The following RNF144B variants were observed in gnomAD, a reference collection of about 807,000 sequenced individuals.
The protein encoded by RNF144B is ring finger protein 144B.
Under a neutral mutation model 40.2 loss-of-function variants are expected in RNF144B, and 25 were observed. The ratio of observed to expected loss-of-function variants is 0.62; its 90% CI spans 0.45 to 0.87. The LOEUF (loss-of-function observed/expected upper bound fraction) is 0.87. Ranked by LOEUF, RNF144B falls within the 40% of genes least tolerant of loss-of-function variation. The pLI is 0.00. For missense variants in RNF144B, 365 were observed against 373.7 expected, an observed-to-expected ratio of 0.98 and a Z score of 0.19; for synonymous variants, 145 against 136.3, an observed-to-expected ratio of 1.06 and a Z score of -0.44.
rs960043350 is a variant in RNF144B, at chr6:18,460,906, T to C, written c.681+1155T>C. Among the ~76,000 whole-genome samples the C allele has an allele frequency of 6.6e-6, 1 of 152,218 alleles. No individual in the cohort carries two copies. The highest frequency in any genetic ancestry group is 2.4e-5 in the African/African-American group (1 of 41,460). On this transcript the variant is annotated intron_variant, in intron 6 of 7. Transcript: ENST00000259939. The surrounding 1 kb of genome is among the most constrained non-coding windows in gnomAD (Gnocchi z 4.4). ...ATAGATAACACTCTGTTTTGGCAATTTGGACCTCTAAAATATGTCCATATC... is the reference window on the plus strand; with the variant it reads ...ATAGATAACACTCTGTTTTGGCAATCTGGACCTCTAAAATATGTCCATATC...
chr6:18,396,601 A>G, intron 1 of RNF144B: 3 of 985,188 alleles, frequency 3.0e-6, no homozygotes, highest in Non-Finnish European at 3.6e-6. Flanking sequence ...CCTACTCAGG[A>G]AGCATTTACT....
At position 18,450,830 on chromosome 6, in the gene RNF144B, A is replaced by G. The variant is rs970431302; in HGVS notation, c.332-6325A>G. On this transcript the variant is annotated intron_variant, in intron 4 of 7. Coordinates refer to ENST00000259939, the MANE Select transcript of RNF144B (RefSeq NM_182757.4). The surrounding 1 kb of genome is among the most constrained non-coding windows in gnomAD (Gnocchi z 4.7). ...TCTACAGCTTCTAAATGCTGCCTGC[A>G]AAGTTGCTACCTCAGGGATTTTTTA... Among the ~76,000 whole-genome samples, 1 of 152,230 alleles carries G rather than the reference A, an allele frequency of 6.6e-6. No individual in the cohort carries two copies. The highest frequency in any genetic ancestry group is 1.5e-5 in the Non-Finnish European group (1 of 68,030).
In RNF144B at chr6:18,456,027, A is replaced by T. The variant is rs1306712536; in HGVS notation, c.332-1128A>T. On this transcript the variant is annotated intron_variant, in intron 4 of 7. Coordinates refer to ENST00000259939, the MANE Select transcript of RNF144B (RefSeq NM_182757.4). This position sits in a 1 kb window ranked among gnomAD's most constrained non-coding sequence, Gnocchi z 4.7. ...AACCTCTGCCTCCCGGGTTCACGCC[A>T]TTCTCCTGCCTCAGCCTGCCAAGTA... Among the ~76,000 whole-genome samples, 2 of 151,930 alleles carry T rather than the reference A, an allele frequency of 1.3e-5. No homozygotes were observed. The highest frequency in any genetic ancestry group is 2.9e-5 in the Non-Finnish European group (2 of 67,998).
chr6:18,403,152 T>G (rs1794825525), intron 2 of RNF144B, among the ~76,000 whole-genome samples: 1 of 152,260 alleles, frequency 6.6e-6, no homozygotes, highest in South Asian at 2.1e-4. Context: ...ATGAAAATTC[T>G]AACTTTCCTT....
chr6:18,462,328 C>T (rs940701048), intron 6 of RNF144B, among the ~76,000 whole-genome samples: 8 of 152,180 alleles, frequency 5.3e-5, no homozygotes, highest in Admixed American at 4.6e-4. Context: ...TTGTTTTTAG[C>T]ATACCTAGAT....
rs992907814 is a variant in RNF144B, at chr6:18,405,906, T to C, written c.165+6207T>C. ...ACCATACTATTAAGGCCCTAATGTC[T>C]TTGTCATAGCATCATAGTCCTAGAA... is the stretch of plus-strand genomic sequence containing the variant. On this transcript the variant is annotated intron_variant, in intron 2 of 7. Coordinates refer to ENST00000259939, the MANE Select transcript of RNF144B (RefSeq NM_182757.4). This position sits in a 1 kb window ranked among gnomAD's most constrained non-coding sequence, Gnocchi z 4.5. Among the ~76,000 whole-genome samples the C allele has an allele frequency of 6.6e-6, 1 of 152,206 alleles. No individual in the cohort carries two copies. The highest frequency in any genetic ancestry group is 1.5e-5 in the Non-Finnish European group (1 of 68,040).
At chr6:18,439,578 G>T (rs1758909207) in intron 3 of RNF144B, 106 bp from the exon 4 acceptor site, 1 of 771,270 alleles carries the variant, frequency 1.3e-6, no homozygotes, top group East Asian at 2.5e-5. Flanking sequence ...CAAACAATTG[G>T]TGTAGAGAAA....
chr6:18,458,558 A>C lies in RNF144B; in HGVS notation c.537-1049A>C, dbSNP rs754966017. Among the ~76,000 whole-genome samples the C allele has an allele frequency of 4.2e-4, 64 of 152,186 alleles. No individual in the cohort carries two copies. The highest frequency in any genetic ancestry group is 1.3e-4 in the Non-Finnish European group (9 of 68,032). On this transcript the variant is annotated intron_variant, in intron 5 of 7. Coordinates refer to ENST00000259939, the MANE Select transcript of RNF144B (RefSeq NM_182757.4). The surrounding 1 kb of genome is among the most constrained non-coding windows in gnomAD (Gnocchi z 4.8). ...TTGCCTACATTTTCGTGGCCATAGCAGGAAGCTCCGTGGGTATCACAGGGC... is the reference window on the plus strand; with the variant it reads ...TTGCCTACATTTTCGTGGCCATAGCCGGAAGCTCCGTGGGTATCACAGGGC...
intron 3 of RNF144B, among the ~76,000 whole-genome samples, chr6:18,429,970 A>T (rs1035088288): frequency 6.6e-6 from 1 of 152,230 alleles, no homozygotes. Flanking sequence ...GTGAAATGCA[A>T]GAAGTGGGGC....
chr6:18,450,147 A>G lies in RNF144B; in HGVS notation c.332-7008A>G, dbSNP rs1759179992. ...TCTTTTTGTGCTGTGCAAATTCTGCACTTTCCCAGACTTGTCTGTGCTGGA... is the reference window on the plus strand; with the variant it reads ...TCTTTTTGTGCTGTGCAAATTCTGCGCTTTCCCAGACTTGTCTGTGCTGGA... On this transcript the variant is annotated intron_variant, in intron 4 of 7. Transcript: ENST00000259939. This position sits in a 1 kb window ranked among gnomAD's most constrained non-coding sequence, Gnocchi z 4.7. 6.6e-6 allele frequency among the ~76,000 whole-genome samples: 1 copy of G among 152,146 alleles called. No individual in the cohort carries two copies. Among genetic ancestry groups the G allele is most frequent in the Admixed American group, 6.6e-5 (1 of 15,266 alleles).
At chr6:18,426,454 A>G (rs971763850) in intron 2 of RNF144B, among the ~76,000 whole-genome samples, 8 of 152,174 alleles carry the variant, frequency 5.3e-5, no homozygotes, top group African/African-American at 1.9e-4. Context: ...GTGCAGTTGC[A>G]TAGAGAGGAA....
In RNF144B at chr6:18,463,314, T is replaced by C. The variant is rs1582452289; in HGVS notation, c.705T>C (p.Tyr235=). ...AGAATGACATTTTCCTCAGACATTA[T>C]GACAAAGGGCCATGCAGGAATAAAC... ...NLDNDIFLRH[Y]DKGPCRNKLG... The change falls in exon 7 of 8, where the codon TAT becomes TAC. Residue 235 remains tyrosine (Y), a synonymous_variant. Transcript: ENST00000259939. 2 of 1,607,528 alleles carry C rather than the reference T, an allele frequency of 1.2e-6. No individual in the cohort carries two copies. Among genetic ancestry groups the C allele is most frequent in the African/African-American group, 2.7e-5 (2 of 74,762 alleles).
In RNF144B at chr6:18,459,086, G is replaced by A. The variant is rs1260803580; in HGVS notation, c.537-521G>A. 6.7e-5 allele frequency among the ~76,000 whole-genome samples: 10 copies of A among 148,636 alleles called. No individual in the cohort carries two copies. Among genetic ancestry groups the A allele is most frequent in the Admixed American group, 4.6e-4 (7 of 15,068 alleles). ...AGCTAAAGTGTTACATGGTGCTATC[G>A]CTCACTCCAATTCCTGTTGCTTATT... On this transcript the variant is annotated intron_variant, in intron 5 of 7. Transcript: ENST00000259939. The surrounding 1 kb of genome is among the most constrained non-coding windows in gnomAD (Gnocchi z 4.2).
intron 2 of RNF144B, among the ~76,000 whole-genome samples, chr6:18,426,374 C>T (rs1472300154): frequency 6.6e-6 from 1 of 152,122 alleles, no homozygotes; most frequent in Non-Finnish European, 1.5e-5. Flanking sequence ...CGATTATGAG[C>T]AAATTAGTAG....
At chr6:18,399,825 T>C in intron 2 of RNF144B, 126 bp downstream of exon 2, 3 of 734,664 alleles carry the variant, frequency 4.1e-6, no homozygotes, top group Non-Finnish European at 6.6e-6. Flanking sequence ...TTGGAAAGCA[T>C]TTCATATTTG....
chr6:18,402,730 T>A (rs1270291332), intron 2 of RNF144B, among the ~76,000 whole-genome samples: 1 of 152,240 alleles, frequency 6.6e-6, no homozygotes, highest in Non-Finnish European at 1.5e-5. Context: ...TGTAGGTAAT[T>A]CTTGATTTAA....
At chr6:18,397,656 G>T (rs985967529) in intron 1 of RNF144B, among the ~76,000 whole-genome samples, 3 of 152,072 alleles carry the variant, frequency 2.0e-5, no homozygotes, top group Non-Finnish European at 4.4e-5. Context: ...GACAAATTTT[G>T]TTTCTGTGCA....
At chr6:18,452,330 G>A (rs1393834217) in intron 4 of RNF144B, among the ~76,000 whole-genome samples, 3 of 152,136 alleles carry the variant, frequency 2.0e-5, no homozygotes, top group Admixed American at 2.0e-4. Context: ...TTAACAAGAT[G>A]CCGATTCTGT....
chr6:18,459,301 A>G lies in RNF144B; in HGVS notation c.537-306A>G, dbSNP rs545550488. Among the ~76,000 whole-genome samples, 2 of 152,342 alleles carry G rather than the reference A, an allele frequency of 1.3e-5. No individual in the cohort carries two copies. The highest frequency in any genetic ancestry group is 4.1e-4 in the South Asian group (2 of 4,834). On this transcript the variant is annotated intron_variant, in intron 5 of 7. Transcript: ENST00000259939. The surrounding 1 kb of genome is among the most constrained non-coding windows in gnomAD (Gnocchi z 4.2). Reference sequence around the variant, plus strand: ...CCCTGACCTAGTTTCTCTGCTGTGTAGCCAACTCCTTGCCATTCTTATTTA... The same window carrying G: ...CCCTGACCTAGTTTCTCTGCTGTGTGGCCAACTCCTTGCCATTCTTATTTA...
Sources: allele counts gnomAD v4.1 joint callset (sites outside exome capture counted in the v4.1 genomes callset), GRCh38; gene constraint gnomAD v4.1.1; non-coding constraint Gnocchi (gnomAD v3.1); transcripts MANE v1.5; gene names NCBI Gene and HGNC (gene_info 2026-07-23, HGNC 2026-07-21).